The following KLF12 variants were observed in gnomAD, a reference collection of about 807,000 sequenced individuals.
KLF12 encodes the protein Krueppel-like factor 12.
Under a neutral mutation model 37.8 loss-of-function variants are expected in KLF12, and 9 were observed. The ratio of observed to expected loss-of-function variants is 0.24; its 90% CI spans 0.14 to 0.42. KLF12 has a LOEUF of 0.42. Ranked by LOEUF, KLF12 falls within the 10% of genes least tolerant of loss-of-function variation. KLF12 has a pLI of 1.00. For synonymous variants in KLF12, 208 were observed against 202.1 expected (o/e 1.03, Z -0.25); for missense variants, 411 against 516.0 (o/e 0.80, Z 1.97).
In KLF12 at chr13:73,732,066, C is replaced by T. The variant is rs1877098622; in HGVS notation, c.870-16541G>A. On this transcript the variant is annotated intron_variant, in intron 6 of 7. Coordinates refer to ENST00000377669, the MANE Select transcript of KLF12 (RefSeq NM_007249.5). Reference sequence around the variant, plus strand: ...TAACTGCTGTTTCACTTTGTGTTAACTGTAATTATTAACCCTATTTTTTTT... The same window carrying T: ...TAACTGCTGTTTCACTTTGTGTTAATTGTAATTATTAACCCTATTTTTTTT... 1.3e-5 allele frequency among the ~76,000 whole-genome samples: 2 copies of T among 148,654 alleles called. 1 individual carries two copies. Among genetic ancestry groups the T allele is most frequent in the Non-Finnish European group, 3.0e-5 (2 of 67,622 alleles).
At chr13:73,762,883 C>T (rs1879659613) in intron 6 of KLF12, among the ~76,000 whole-genome samples, 1 of 152,130 alleles carries the variant, frequency 6.6e-6, no homozygotes, top group African/African-American at 2.4e-5. Flanking sequence ...ACTAGACTCA[C>T]AGTATTTACC....
intron 6 of KLF12, among the ~76,000 whole-genome samples, chr13:73,758,443 A>C (rs1339853857): frequency 2.0e-5 from 3 of 152,166 alleles, no homozygotes; most frequent in South Asian, 2.1e-4. Flanking sequence ...AATTGTTAAC[A>C]ATATTGCCTG....
chr13:74,050,090 C>T (rs1872809512), intron 1 of KLF12, among the ~76,000 whole-genome samples: 1 of 151,982 alleles, frequency 6.6e-6, no homozygotes, highest in East Asian at 1.9e-4. Context: ...CACATAAAGG[C>T]ATGTCATTGA....
At chr13:74,013,219 T>C (rs1257481379) in intron 1 of KLF12, among the ~76,000 whole-genome samples, 1 of 152,236 alleles carries the variant, frequency 6.6e-6, no homozygotes, top group Non-Finnish European at 1.5e-5. Context: ...CCCAACTTTA[T>C]TCCCATCATT....
the KLF12 span, among the ~76,000 whole-genome samples, chr13:74,145,518 A>T: frequency 6.6e-6 from 1 of 152,120 alleles, no homozygotes; most frequent in Admixed American, 6.6e-5. Flanking sequence ...AAATCTAGAC[A>T]CACACCATGC....
rs541571130 is a variant in KLF12 at position 73,753,770 on chromosome 13, C to T, written c.869+11168G>A. Among the ~76,000 whole-genome samples, 142 of 151,958 alleles carry T rather than the reference C, an allele frequency of 9.3e-4. 1 individual carries two copies. Among genetic ancestry groups the T allele is most frequent in the African/African-American group, 3.3e-3 (138 of 41,434 alleles). On this transcript the variant is annotated intron_variant, in intron 6 of 7. Transcript: ENST00000377669. ...ATTAAGGATTAAAATTAAATACAGG[C>T]TAGGAGAAAATAAAGAAGACAAGCA...
chr13:73,730,909 T>C (rs1366060860), intron 6 of KLF12, among the ~76,000 whole-genome samples: 2 of 151,766 alleles, frequency 1.3e-5, no homozygotes, highest in Non-Finnish European at 2.9e-5. Flanking sequence ...GTGTAGGTCC[T>C]GGAAGTGCCA....
chr13:73,929,642 G>A (rs949523068), intron 3 of KLF12, among the ~76,000 whole-genome samples: 1 of 152,160 alleles, frequency 6.6e-6, no homozygotes, highest in Non-Finnish European at 1.5e-5. Flanking sequence ...GGAACAACAT[G>A]GGTGGGGCAA....
At chr13:73,790,734 T>G (rs954249244) in intron 5 of KLF12, among the ~76,000 whole-genome samples, 1 of 152,228 alleles carries the variant, frequency 6.6e-6, no homozygotes, top group Non-Finnish European at 1.5e-5. Context: ...ATACTAATGT[T>G]TCCCTCCTTA....
intron 1 of KLF12, among the ~76,000 whole-genome samples, chr13:73,998,502 T>C (rs904143580): frequency 6.6e-5 from 10 of 152,224 alleles, no homozygotes; most frequent in African/African-American, 1.9e-4. Flanking sequence ...TTATTTGGAA[T>C]TCTGTCTTCT....
chr13:73,787,289 T>C (rs1881411006), intron 5 of KLF12, among the ~76,000 whole-genome samples: 1 of 152,086 alleles, frequency 6.6e-6, no homozygotes, highest in South Asian at 2.1e-4. Flanking sequence ...AAACAACCCA[T>C]CTTATGAATG....
chr13:73,928,372 T>C (rs1433989568), intron 3 of KLF12, among the ~76,000 whole-genome samples: 4 of 152,250 alleles, frequency 2.6e-5, no homozygotes, highest in South Asian at 2.1e-4. Flanking sequence ...ATGTGATACA[T>C]GGTGACCACA....
At chr13:74,058,839 G>T (rs762999282) in intron 1 of KLF12, among the ~76,000 whole-genome samples, 1 of 152,070 alleles carries the variant, frequency 6.6e-6, no homozygotes, top group Non-Finnish European at 1.5e-5. Flanking sequence ...ACATGTGCAG[G>T]ACTGTTACAC....
the KLF12 span, among the ~76,000 whole-genome samples, chr13:74,284,921 C>T: frequency 6.6e-6 from 1 of 152,096 alleles, no homozygotes; most frequent in Non-Finnish European, 1.5e-5. Flanking sequence ...TTTTTTCCCA[C>T]CCATTATAAG....
Position 73,692,911 on chromosome 13 carries a change from C to T in KLF12, c.*2579G>A, listed in dbSNP as rs956768618. Reference sequence around the variant, plus strand: ...GAGGATGAGGGAAAATGTTCCCTTCCCCAAATCCATCCTATGTTATTAGAA... The same window carrying T: ...GAGGATGAGGGAAAATGTTCCCTTCTCCAAATCCATCCTATGTTATTAGAA... On this transcript the variant is annotated 3_prime_UTR_variant, in exon 8 of 8. Coordinates refer to ENST00000377669, the MANE Select transcript of KLF12 (RefSeq NM_007249.5). 3.3e-5 allele frequency: 5 copies of T among 152,508 alleles called. No individual in the cohort carries two copies. The highest frequency in any genetic ancestry group is 9.7e-5 in the African/African-American group (4 of 41,432). The allele number at this position is 152,508 out of a possible 1,614,324, so 9.4% of individuals were successfully genotyped here.
At chr13:74,015,507 T>C (rs1892665313) in intron 1 of KLF12, among the ~76,000 whole-genome samples, 1 of 152,164 alleles carries the variant, frequency 6.6e-6, no homozygotes, top group Non-Finnish European at 1.5e-5. Flanking sequence ...TCCACCCTAG[T>C]GCGCCCATGA....
At chr13:73,758,082 AC>A (rs869152163) in intron 6 of KLF12, among the ~76,000 whole-genome samples, 1 of 149,900 alleles carries the variant, frequency 6.7e-6, no homozygotes, top group Non-Finnish European at 1.5e-5. Context: ...TTTTTTAGAG[AC>A]AGGGGTTGGT....
At chr13:74,108,719 TA>T (rs1876804578) in intron 1 of KLF12, among the ~76,000 whole-genome samples, 1 of 152,172 alleles carries the variant, frequency 6.6e-6, no homozygotes, top group South Asian at 2.1e-4. Flanking sequence ...AAAAGTTATT[TA>T]AAAAATCGTA....
chr13:74,078,529 T>G (rs1874698175), intron 1 of KLF12, among the ~76,000 whole-genome samples: 1 of 152,244 alleles, frequency 6.6e-6, no homozygotes, highest in Admixed American at 6.5e-5. Context: ...TTTGACTGTT[T>G]TGTAAGGATT....
Sources: allele counts gnomAD v4.1 joint callset (sites outside exome capture counted in the v4.1 genomes callset), GRCh38; gene constraint gnomAD v4.1.1; transcripts MANE v1.5; gene names NCBI Gene and HGNC (gene_info 2026-07-23, HGNC 2026-07-21).